THSD7A: variants seen among roughly 807,000 people sequenced by gnomAD.
THSD7A encodes thrombospondin type-1 domain-containing protein 7A.
Under a neutral mutation model 231.3 loss-of-function variants are expected in THSD7A, and 96 were observed. That is an observed-to-expected ratio of 0.41 (90% confidence interval 0.35 to 0.49). The LOEUF is 0.49. Among genes scored for constraint, THSD7A ranks in the 20% least tolerant of loss-of-function variants. THSD7A has a pLI of 0.05. For synonymous variants in THSD7A, 940 were observed against 743.3 expected (o/e 1.26, Z -4.30); for missense variants, 2,290 against 2,070.2 (o/e 1.11, Z -2.06).
At chr7:11,484,994 G>A (rs983044269) in intron 6 of THSD7A, among the ~76,000 whole-genome samples, 6 of 145,724 alleles carry the variant, frequency 4.1e-5, no homozygotes, top group South Asian at 4.4e-4. Flanking sequence ...AGGGTCAAGC[G>A]ATTCTCCTGC....
intron 2 of THSD7A, among the ~76,000 whole-genome samples, chr7:11,621,515 T>A (rs541506593): frequency 6.6e-6 from 1 of 152,294 alleles, no homozygotes; most frequent in African/African-American, 2.4e-5. Flanking sequence ...TGGTTTACCT[T>A]ACTTTTTTTC....
intron 13 of THSD7A, among the ~76,000 whole-genome samples, chr7:11,441,468 G>A (rs566530813): frequency 2.6e-5 from 4 of 151,940 alleles, no homozygotes; most frequent in African/African-American, 7.2e-5. Context: ...TAATAAAAAA[G>A]TTCCAGATAT....
intron 1 of THSD7A, among the ~76,000 whole-genome samples, chr7:11,755,115 A>G (rs1782630410): frequency 6.6e-6 from 1 of 152,056 alleles, no homozygotes; most frequent in Non-Finnish European, 1.5e-5. Context: ...ACAGGAGGGC[A>G]GTGCTACTGG....
chr7:11,509,995 T>C (rs1033763299), intron 6 of THSD7A, among the ~76,000 whole-genome samples: 1 of 151,990 alleles, frequency 6.6e-6, no homozygotes, highest in African/African-American at 2.4e-5. Context: ...TGTATACGTG[T>C]ACCAAAATAT....
At chr7:11,673,774 A>G (rs768098991) in intron 1 of THSD7A, among the ~76,000 whole-genome samples, 3 of 152,104 alleles carry the variant, frequency 2.0e-5, no homozygotes, top group Non-Finnish European at 2.9e-5. Context: ...CCACCCTTGG[A>G]ACATCTGGAA....
intron 1 of THSD7A, among the ~76,000 whole-genome samples, chr7:11,713,543 G>A (rs1289764690): frequency 6.6e-6 from 1 of 151,204 alleles, no homozygotes; most frequent in East Asian, 2.0e-4. Flanking sequence ...CAGAATACAA[G>A]GAAATGTCCT....
At chr7:11,638,580 T>C (rs746385484) in intron 1 of THSD7A, among the ~76,000 whole-genome samples, 2 of 152,216 alleles carry the variant, frequency 1.3e-5, no homozygotes, top group Non-Finnish European at 2.9e-5. Context: ...TAACTAATCA[T>C]TATTGCATGA....
intron 15 of THSD7A, among the ~76,000 whole-genome samples, chr7:11,426,439 T>G (rs759595373): frequency 2.8e-4 from 42 of 152,158 alleles, no homozygotes; most frequent in Non-Finnish European, 5.9e-4. Flanking sequence ...CTTGTTCACC[T>G]CAGTCCTTGA....
intron 16 of THSD7A, among the ~76,000 whole-genome samples, chr7:11,419,301 TG>T (rs1562595090): frequency 6.6e-6 from 1 of 152,194 alleles, no homozygotes; most frequent in African/African-American, 2.4e-5. Flanking sequence ...CACTGGATCA[TG>T]GGGGCAGATG....
chr7:11,419,444 C>T (rs1381169806), intron 16 of THSD7A, among the ~76,000 whole-genome samples: 1 of 152,132 alleles, frequency 6.6e-6, no homozygotes, highest in Admixed American at 6.6e-5. Context: ...CACCCTTATG[C>T]CATGATTGTA....
At position 11,832,177 on chromosome 7, in the gene THSD7A, C is replaced by CCGCTGCCATTCCT. The variant is rs1785219938; in HGVS notation, c.-244_-232dup. Reference sequence around the variant, plus strand: ...GCCGCCTCTGGCGGGGATGCTGCTGCCGCTGCCATTCCTCGCAGAATGGCA... The same window carrying CCGCTGCCATTCCT: ...GCCGCCTCTGGCGGGGATGCTGCTGCCGCTGCCATTCCTCGCTGCCATTCCTCGCAGAATGGCA... On this transcript the variant is annotated 5_prime_UTR_variant, in exon 1 of 28. The change creates a new upstream start codon in the 5' untranslated region. Transcript: ENST00000423059. 1 of 311,674 alleles carries CCGCTGCCATTCCT rather than the reference C, an allele frequency of 3.2e-6. No homozygotes were observed. The highest frequency in any genetic ancestry group is 2.2e-5 in the African/African-American group (1 of 45,724). 19.3% of individuals were successfully genotyped at this position (311,674 alleles called of 1,614,324 possible). A position where few individuals can be genotyped will look rare whatever the true frequency, so the allele number is the denominator to read the frequency against.
chr7:11,741,761 TAGTTAATAA>T (rs1338801522), intron 1 of THSD7A, among the ~76,000 whole-genome samples: 1 of 151,944 alleles, frequency 6.6e-6, no homozygotes, highest in African/African-American at 2.4e-5. Flanking sequence ...ACAAAGAATA[TAGTTAATAA>T]ATTCCCATAT....
At chr7:11,649,726 A>G (rs2128367892) in intron 1 of THSD7A, among the ~76,000 whole-genome samples, 1 of 152,222 alleles carries the variant, frequency 6.6e-6, no homozygotes, top group Middle Eastern at 3.4e-3. Context: ...AAGTTGAGCA[A>G]TACTGTCACC....
chr7:11,388,173 T>G (rs1782836571), intron 23 of THSD7A, among the ~76,000 whole-genome samples: 1 of 151,706 alleles, frequency 6.6e-6, no homozygotes, highest in Non-Finnish European at 1.5e-5. Context: ...TTTTTTTTTT[T>G]GTTGTGTCTT....
intron 1 of THSD7A, among the ~76,000 whole-genome samples, chr7:11,763,753 C>T (rs1204579394): frequency 1.3e-5 from 2 of 152,022 alleles, no homozygotes; most frequent in African/African-American, 2.4e-5. Flanking sequence ...ACGGTTCCTG[C>T]CTTTCTAGGA....
At chr7:11,621,927 T>C (rs1781323655) in intron 2 of THSD7A, among the ~76,000 whole-genome samples, 1 of 152,124 alleles carries the variant, frequency 6.6e-6, no homozygotes, top group Non-Finnish European at 1.5e-5. Context: ...AATATGTTTG[T>C]CATAATGACA....
intron 2 of THSD7A, among the ~76,000 whole-genome samples, chr7:11,629,763 T>C (rs775849463): frequency 1.3e-5 from 2 of 152,238 alleles, no homozygotes; most frequent in Non-Finnish European, 2.9e-5. Flanking sequence ...AACTGATCTG[T>C]AGGCCATGTT....
At chr7:11,656,495 G>A (rs1049806699) in intron 1 of THSD7A, among the ~76,000 whole-genome samples, 4 of 151,758 alleles carry the variant, frequency 2.6e-5, no homozygotes, top group African/African-American at 7.3e-5. Flanking sequence ...GGATTATCTA[G>A]ATCTCGTTCT....
chr7:11,562,975 C>G (rs919157927), intron 4 of THSD7A, among the ~76,000 whole-genome samples: 2 of 152,180 alleles, frequency 1.3e-5, no homozygotes, highest in African/African-American at 4.8e-5. Flanking sequence ...TTGCTCAAAG[C>G]TTACTTAGAC....
Sources: allele counts gnomAD v4.1 joint callset (sites outside exome capture counted in the v4.1 genomes callset), GRCh38; gene constraint gnomAD v4.1.1; transcripts MANE v1.5; gene names NCBI Gene and HGNC (gene_info 2026-07-23, HGNC 2026-07-21).